Variants in PDE6A observed in about 807,000 individuals in gnomAD.
PDE6A encodes rod cGMP-specific 3',5'-cyclic phosphodiesterase subunit alpha.
Under a neutral mutation model 106.3 loss-of-function variants are expected in PDE6A, and 84 were observed. The ratio of observed to expected loss-of-function variants is 0.79; its 90% CI spans 0.66 to 0.95. The LOEUF is 0.95. Ranked by LOEUF, PDE6A falls within the 40% of genes least tolerant of loss-of-function variation. The probability of loss-of-function intolerance (pLI) is 0.00; values close to 1 mark genes in which losing one functional copy is unlikely to be tolerated. For synonymous variants in PDE6A, 394 were observed against 386.6 expected, an observed-to-expected ratio of 1.02 and a Z score of -0.23; for missense variants, 1,052 against 1,084.9, an observed-to-expected ratio of 0.97 and a Z score of 0.43.
intron 18 of PDE6A, 144 bp downstream of exon 18, chr5:149,867,951 C>T (rs1057513831): frequency 2.3e-5 from 25 of 1,096,064 alleles, no homozygotes; most frequent in East Asian, 1.6e-4. Flanking sequence ...ACTGGAGAGA[C>T]GTAAAATGAT....
chr5:149,936,275 A>G (rs1049520553), intron 1 of PDE6A, among the ~76,000 whole-genome samples: 2 of 152,194 alleles, frequency 1.3e-5, no homozygotes, highest in African/African-American at 4.8e-5. Context: ...AGTCAACAGC[A>G]TTATTATCAG....
At chr5:149,905,556 T>C (rs566845643) in intron 7 of PDE6A, among the ~76,000 whole-genome samples, 54 of 152,332 alleles carry the variant, frequency 3.5e-4, no homozygotes, top group African/African-American at 1.3e-3. Flanking sequence ...TTCCCCATTC[T>C]CTGCCTACAA....
intron 5 of PDE6A, among the ~76,000 whole-genome samples, chr5:149,918,116 C>G (rs1753606868): frequency 6.6e-6 from 1 of 152,200 alleles, no homozygotes; most frequent in African/African-American, 2.4e-5. Context: ...AAGATCAAAA[C>G]AGACATATTA....
intron 4 of PDE6A, among the ~76,000 whole-genome samples, chr5:149,930,663 C>T (rs1754006811): frequency 1.3e-5 from 2 of 152,216 alleles, no homozygotes; most frequent in African/African-American, 4.8e-5. Context: ...AAGCTTTACA[C>T]ACAACTTTCA....
intron 1 of PDE6A, among the ~76,000 whole-genome samples, chr5:149,937,450 T>C (rs866414585): frequency 1.3e-5 from 2 of 152,166 alleles, no homozygotes; most frequent in African/African-American, 4.8e-5. Context: ...CCATCATGGC[T>C]CACTGCAGCC....
intron 5 of PDE6A, among the ~76,000 whole-genome samples, chr5:149,917,952 T>C (rs1753602099): frequency 6.6e-6 from 1 of 152,180 alleles, no homozygotes. Context: ...TCCTGTCCTC[T>C]TCCTTTTCTA....
intron 12 of PDE6A, among the ~76,000 whole-genome samples, chr5:149,895,636 A>T (rs1752716747): frequency 7.7e-6 from 1 of 129,044 alleles, no homozygotes; most frequent in African/African-American, 3.7e-5. Flanking sequence ...TCTACAGGGA[A>T]AAAAAAAACA....
chr5:149,932,481 T>C, intron 3 of PDE6A: 1 of 1,401,094 alleles, frequency 7.1e-7, no homozygotes, highest in Non-Finnish European at 1.0e-6. Context: ...ATCCTCATTA[T>C]TTCCTGCTAC....
At chr5:149,913,842 A>C (rs1181844332) in intron 6 of PDE6A, among the ~76,000 whole-genome samples, 1 of 152,228 alleles carries the variant, frequency 6.6e-6, no homozygotes, top group Non-Finnish European at 1.5e-5. Context: ...AAAAAGTATA[A>C]GCCCATATTT....
In PDE6A at chr5:149,902,631, A is replaced by T. The variant is rs139574601; in HGVS notation, c.1113+1017T>A. Among the ~76,000 whole-genome samples, 347 of 152,196 alleles carry T rather than the reference A, an allele frequency of 2.3e-3. 1 individual carries two copies. The highest frequency in any genetic ancestry group is 7.8e-3 in the African/African-American group (324 of 41,522). On this transcript the variant is annotated intron_variant, in intron 8 of 21. Transcript: ENST00000255266. Reference sequence around the variant, plus strand: ...CGGTCAGGAGTTCGAGACCAATCTGATCAACATGGCGAGATCCCACCTCTA... The same window carrying T: ...CGGTCAGGAGTTCGAGACCAATCTGTTCAACATGGCGAGATCCCACCTCTA...
chr5:149,909,218 CA>C (rs1180281351), intron 6 of PDE6A, among the ~76,000 whole-genome samples: 1 of 152,034 alleles, frequency 6.6e-6, no homozygotes, highest in African/African-American at 2.4e-5. Context: ...TGGAGTGCAG[CA>C]GAGCAAACCT....
At chr5:149,934,466 T>C in intron 2 of PDE6A, 100 bp downstream of exon 2, 1 of 1,138,826 alleles carries the variant, frequency 8.8e-7, no homozygotes, top group Non-Finnish European at 1.3e-6. Flanking sequence ...GTCTTACAGA[T>C]GGGAAAACTG....
intron 8 of PDE6A, among the ~76,000 whole-genome samples, 169 bp downstream of exon 8, chr5:149,903,479 C>T (rs1753062798): frequency 6.6e-6 from 1 of 151,884 alleles, no homozygotes; most frequent in Non-Finnish European, 1.5e-5. Context: ...TTGGAAATTA[C>T]CCAGTTAACT....
chr5:149,875,941 A>C (rs1461619160), intron 17 of PDE6A, among the ~76,000 whole-genome samples: 2 of 152,050 alleles, frequency 1.3e-5, no homozygotes, highest in South Asian at 2.1e-4. Flanking sequence ...TTTTATCCTA[A>C]TATTGTGTGT....
At chr5:149,929,613 T>TAAAAAAATAAAA (rs1554092095) in intron 4 of PDE6A, among the ~76,000 whole-genome samples, 3 of 148,884 alleles carry the variant, frequency 2.0e-5, no homozygotes, top group African/African-American at 7.4e-5. Context: ...TCTCAAAAAA[T>TAAAAAAATAAAA]AAATAAATAA....
intron 5 of PDE6A, among the ~76,000 whole-genome samples, chr5:149,919,796 ACTG>A (rs1753651181): frequency 6.6e-6 from 1 of 152,198 alleles, no homozygotes; most frequent in Admixed American, 6.6e-5. Context: ...TTTTTAAAAG[ACTG>A]CTATTTTTTT....
chr5:149,898,546 T>G, intron 9 of PDE6A, 40 bp from the exon 10 acceptor site: 2 of 1,598,414 alleles, frequency 1.3e-6, no homozygotes, highest in Non-Finnish European at 1.7e-6. Flanking sequence ...ACAGAACACC[T>G]AAGTTTAATC....
At chr5:149,902,206 G>A (rs935672695) in intron 8 of PDE6A, among the ~76,000 whole-genome samples, 6 of 151,986 alleles carry the variant, frequency 3.9e-5, no homozygotes, top group Admixed American at 2.6e-4. Context: ...CAGATTTGTT[G>A]GCTTATTCTA....
chr5:149,881,255 C>G (rs1760912265), intron 17 of PDE6A, among the ~76,000 whole-genome samples: 1 of 152,018 alleles, frequency 6.6e-6, no homozygotes, highest in South Asian at 2.1e-4. Flanking sequence ...GGTGTGTATC[C>G]AAAAGAAAAC....
Sources: gnomAD v4.1 joint callset for allele counts (sites outside exome capture counted in the v4.1 genomes callset) on GRCh38, gnomAD v4.1.1 for gene constraint, MANE v1.5 for transcripts, NCBI Gene and HGNC (gene_info 2026-07-23, HGNC 2026-07-21) for gene names.